Variants in TLN2 observed in about 807,000 individuals in gnomAD.
TLN2 encodes talin-2.
A neutral mutation model predicts 294.7 loss-of-function variants in TLN2; 118 were observed. That is an observed-to-expected ratio of 0.40 (90% CI 0.34 to 0.47). The LOEUF (loss-of-function observed/expected upper bound fraction) is 0.47, where lower values mean the gene tolerates loss of function less well. TLN2 is among the 20% of genes least tolerant of loss of function. The pLI, the probability that TLN2 is intolerant of heterozygous loss-of-function variation, is 0.84. For missense variants in TLN2, 3,083 were observed against 3,282.2 expected (o/e 0.94, Z 1.48); for synonymous variants, 1,431 against 1,304.5 (o/e 1.10, Z -2.09).
At chr15:62,756,868 A>G (rs921734371) in intron 37 of TLN2, among the ~76,000 whole-genome samples, 5 of 151,696 alleles carry the variant, frequency 3.3e-5, no homozygotes, top group East Asian at 2.0e-4. Flanking sequence ...CCCAGTCAGC[A>G]GCTTCTTAGC....
chr15:62,810,590 C>T (rs2066612552), intron 52 of TLN2, among the ~76,000 whole-genome samples: 1 of 152,088 alleles, frequency 6.6e-6, no homozygotes, highest in African/African-American at 2.4e-5. Context: ...AAGCAGAAGA[C>T]ACCAGGCAGG....
chr15:62,774,435 T>G (rs534096594), intron 42 of TLN2, among the ~76,000 whole-genome samples: 3 of 152,320 alleles, frequency 2.0e-5, no homozygotes, highest in African/African-American at 7.2e-5. Context: ...TAAACAGGCC[T>G]TAATTGAGAT....
At chr15:62,790,796 CAT>C (rs1455045917) in intron 45 of TLN2, among the ~76,000 whole-genome samples, 4 of 152,252 alleles carry the variant, frequency 2.6e-5, no homozygotes, top group African/African-American at 9.6e-5. Flanking sequence ...CCCGCAAACA[CAT>C]ATATTTAAAT....
chr15:62,553,600 T>A (rs2042444349), intron 1 of TLN2, among the ~76,000 whole-genome samples: 1 of 152,246 alleles, frequency 6.6e-6, no homozygotes, highest in African/African-American at 2.4e-5. Flanking sequence ...TTTCCCACCT[T>A]TTCCTCATGA....
rs141286374 is a variant in TLN2, at chr15:62,770,841, G to C, written c.5197-123G>C. ...GCACTTTCAGCAGTAAATTGCAGCA[G>C]ATCTGCCTCTCCCTGTGAGTCAGCC... On this transcript the variant is annotated intron_variant, in intron 41 of 58. Coordinates refer to ENST00000636159, the MANE Select transcript of TLN2 (RefSeq NM_015059.3). The C allele has an allele frequency of 1.1e-4, 127 of 1,203,604 alleles. No individual in the cohort carries two copies. The Admixed American group carries it at 2.1e-3, about 20-fold the overall frequency. 74.6% of individuals were successfully genotyped at this position (1,203,604 alleles called of 1,614,324 possible). A position where few individuals can be genotyped will look rare whatever the true frequency, so the allele number is the denominator to read the frequency against.
intron 1 of TLN2, among the ~76,000 whole-genome samples, chr15:62,436,534 GA>G (rs533028328): frequency 1.4e-3 from 208 of 152,314 alleles, no homozygotes; most frequent in Non-Finnish European, 2.6e-3. Flanking sequence ...TCCCTATTGA[GA>G]AAGCTGCCTA....
At chr15:62,706,894 A>G (rs1209517283) in intron 19 of TLN2, among the ~76,000 whole-genome samples, 192 bp from the exon 20 acceptor site, 1 of 152,206 alleles carries the variant, frequency 6.6e-6, no homozygotes, top group Non-Finnish European at 1.5e-5. Flanking sequence ...GATGTAAGAG[A>G]CTGAGTTATT....
intron 1 of TLN2, among the ~76,000 whole-genome samples, chr15:62,447,772 G>A (rs566884267): frequency 2.0e-5 from 3 of 152,138 alleles, no homozygotes; most frequent in East Asian, 1.9e-4. Flanking sequence ...GGATTAGCCC[G>A]GCCCAGAGTT....
intron 3 of TLN2, among the ~76,000 whole-genome samples, chr15:62,635,030 A>T (rs2050247913): frequency 6.6e-6 from 1 of 152,160 alleles, no homozygotes; most frequent in Non-Finnish European, 1.5e-5. Flanking sequence ...GGTCCCTTGC[A>T]GCTTGAGCCC....
chr15:62,839,972 G>C (rs2070420947), intron 58 of TLN2, among the ~76,000 whole-genome samples: 1 of 152,088 alleles, frequency 6.6e-6, no homozygotes, highest in Non-Finnish European at 1.5e-5. Flanking sequence ...CTATCAGCAA[G>C]TCTTCCTCAG....
chr15:62,622,589 A>G (rs964952891), intron 3 of TLN2, among the ~76,000 whole-genome samples: 1 of 152,198 alleles, frequency 6.6e-6, no homozygotes, highest in African/African-American at 2.4e-5. Context: ...TATGGATTAA[A>G]TAATTTTTTT....
intron 2 of TLN2, among the ~76,000 whole-genome samples, chr15:62,600,555 G>T (rs775785845): frequency 6.6e-6 from 1 of 152,150 alleles, no homozygotes; most frequent in Non-Finnish European, 1.5e-5. Context: ...CAAGCCCAGG[G>T]CACTATAAAT....
At chr15:62,437,127 C>A (rs2035322653) in intron 1 of TLN2, among the ~76,000 whole-genome samples, 2 of 152,216 alleles carry the variant, frequency 1.3e-5, no homozygotes, top group Non-Finnish European at 2.9e-5. Flanking sequence ...GGCTTTCTTT[C>A]ATTTGCACAG....
intron 52 of TLN2, among the ~76,000 whole-genome samples, chr15:62,811,961 A>G (rs1392843921): frequency 6.6e-6 from 1 of 151,874 alleles, no homozygotes; most frequent in Non-Finnish European, 1.5e-5. Flanking sequence ...GCAGTGAGTC[A>G]AGATCACACC....
intron 1 of TLN2, among the ~76,000 whole-genome samples, chr15:62,496,144 GA>G (rs977037011): frequency 4.6e-5 from 7 of 152,188 alleles, no homozygotes; most frequent in Admixed American, 6.5e-5. Context: ...TCACTTGGTT[GA>G]AGTGACCAGT....
intron 43 of TLN2, 126 bp downstream of exon 43, chr15:62,777,036 G>A (rs979940427): frequency 4.4e-5 from 38 of 864,378 alleles, no homozygotes; most frequent in Non-Finnish European, 5.7e-5. Context: ...TCTAGTTAAT[G>A]TACAGATATC....
chr15:62,535,366 G>A (rs2041278889), intron 1 of TLN2, among the ~76,000 whole-genome samples: 3 of 151,976 alleles, frequency 2.0e-5, no homozygotes. Flanking sequence ...ATCTATGGCA[G>A]TGGTGTGGTC....
chr15:62,607,276 A>G (rs201112612), intron 2 of TLN2, among the ~76,000 whole-genome samples: 6 of 152,184 alleles, frequency 3.9e-5, no homozygotes, highest in African/African-American at 1.4e-4. Context: ...GTAGCTTTCT[A>G]TTTGTCATCC....
intron 3 of TLN2, among the ~76,000 whole-genome samples, chr15:62,626,042 A>G (rs563940934): frequency 1.3e-5 from 2 of 152,194 alleles, no homozygotes; most frequent in African/African-American, 2.4e-5. Flanking sequence ...GAGTCTTCCT[A>G]TACCCTTGAC....
Sources: allele counts gnomAD v4.1 joint callset (sites outside exome capture counted in the v4.1 genomes callset), GRCh38; gene constraint gnomAD v4.1.1; transcripts MANE v1.5; gene names NCBI Gene and HGNC (gene_info 2026-07-23, HGNC 2026-07-21).